The following IFNGR1 variants were observed in gnomAD, a reference collection of about 807,000 sequenced individuals.
IFNGR1 encodes the protein AVP, type 2.
In IFNGR1, 23 loss-of-function variants were observed where a neutral mutation model predicts 35.4. That is an observed-to-expected ratio of 0.65 (90% CI 0.47 to 0.92). The LOEUF (loss-of-function observed/expected upper bound fraction) is 0.92. Among genes scored for constraint, IFNGR1 ranks in the 40% least tolerant of loss-of-function variants. The pLI, the probability that IFNGR1 is intolerant of heterozygous loss-of-function variation, is 0.00. For missense variants in IFNGR1, 533 were observed against 583.4 expected (o/e 0.91, Z 0.89); for synonymous variants, 199 against 209.5 (o/e 0.95, Z 0.43).
At chr6:137,201,139 A>C in intron 5 of IFNGR1, 131 bp from the exon 6 acceptor site, 1 of 933,410 alleles carries the variant, frequency 1.1e-6, no homozygotes, top group South Asian at 1.5e-5. Context: ...AGAACACTGA[A>C]GGAAGCAGAA....
intron 1 of IFNGR1, chr6:137,215,411 A>C: frequency 7.3e-7 from 1 of 1,368,466 alleles, no homozygotes; most frequent in Non-Finnish European, 1.0e-6. Flanking sequence ...AAAATGAATA[A>C]TTTCTTAAAA....
chr6:137,218,139 T>C (rs911502086), intron 1 of IFNGR1, among the ~76,000 whole-genome samples: 3 of 152,172 alleles, frequency 2.0e-5, no homozygotes, highest in African/African-American at 4.8e-5. Flanking sequence ...GGCTATGACC[T>C]CTCTGCCAGT....
chr6:137,217,382 T>C (rs1779727141), intron 1 of IFNGR1, among the ~76,000 whole-genome samples: 1 of 152,236 alleles, frequency 6.6e-6, no homozygotes, highest in Non-Finnish European at 1.5e-5. Flanking sequence ...ATTATTTTGT[T>C]GGCTCAACAC....
At chr6:137,210,824 T>G (rs1779558671) in intron 1 of IFNGR1, among the ~76,000 whole-genome samples, 1 of 152,186 alleles carries the variant, frequency 6.6e-6, no homozygotes, top group Non-Finnish European at 1.5e-5. Flanking sequence ...GAAGGGAAAA[T>G]CTATATTTTC....
Position 137,200,884 on chromosome 6 carries a change from G to C in IFNGR1, c.858C>G (p.Ser286=). The C allele has an allele frequency of 1.3e-6, 2 of 1,578,108 alleles. No homozygotes were observed. Among genetic ancestry groups the C allele is most frequent in the East Asian group, 2.3e-5 (1 of 44,218 alleles). Reference sequence around the variant, plus strand: ...ATAAAAAAATTAAATACATTACCAAGGACTTGGGTAATATTATGCTTTTTT... The same window carrying C: ...ATAAAAAAATTAAATACATTACCAACGACTTGGGTAATATTATGCTTTTTT... ...LKEKSIILPK[S]LISVVRSATL... is the part of the protein sequence containing the mutation. Residue 286 remains serine, a synonymous_variant, in exon 6 of 7, where the codon TCC becomes TCG. Coordinates refer to ENST00000367739, the MANE Select transcript of IFNGR1 (RefSeq NM_000416.3).
intron 1 of IFNGR1, among the ~76,000 whole-genome samples, chr6:137,209,024 C>T (rs1243115733): frequency 6.6e-6 from 1 of 152,208 alleles, no homozygotes; most frequent in Non-Finnish European, 1.5e-5. Context: ...GGATGTGAGA[C>T]CTGGAGTCAA....
At position 137,197,878 on chromosome 6, in the gene IFNGR1, C is replaced by T; in HGVS notation, c.*153G>A. On this transcript the variant is annotated 3_prime_UTR_variant, in exon 7 of 7. Coordinates refer to ENST00000367739, the MANE Select transcript of IFNGR1 (RefSeq NM_000416.3). ...TTACAAGCCAAAAGTGAAAATGCCA[C>T]ACATCCTCTTTACGCTTTCATGTAC... is the stretch of plus-strand genomic sequence containing the variant. 3 of 963,106 alleles carry T rather than the reference C, an allele frequency of 3.1e-6. No homozygotes were observed. The highest frequency in any genetic ancestry group is 3.1e-6 in the Non-Finnish European group (2 of 643,298). The allele number at this position is 963,106 out of a possible 1,614,324, so 59.7% of individuals were successfully genotyped here.
rs1006647846 is a variant in IFNGR1, at chr6:137,198,273, T to C, written c.1228A>G (p.Asn410Asp). 1 of 1,614,004 alleles carries C rather than the reference T, an allele frequency of 6.2e-7. No individual in the cohort carries two copies. The highest frequency in any genetic ancestry group is 1.7e-5 in the Admixed American group (1 of 59,986). The change falls in exon 7 of 7, where the codon AAT (asparagine) becomes GAT (aspartate). Residue 410 changes from asparagine (N) to aspartate (D), a missense_variant. Asn to Asp is a conservative substitution (Grantham distance 23). Transcript: ENST00000367739. ...RNCSESDHSR[N>D]GFDTDSSCLE... ...CAGCTGGAATCAGTATCAAAACCATTTCTGGAGTGATCACTCTCAGAACAA... is the reference window on the plus strand; with the variant it reads ...CAGCTGGAATCAGTATCAAAACCATCTCTGGAGTGATCACTCTCAGAACAA...
chr6:137,206,430 T>C (rs1044633741), intron 2 of IFNGR1, 122 bp from the exon 3 acceptor site: 14 of 710,018 alleles, frequency 2.0e-5, no homozygotes, highest in African/African-American at 1.4e-4. Flanking sequence ...GAGCTAAGAA[T>C]AGGATGGAGA....
rs55665036 is a variant in IFNGR1, at chr6:137,197,960, C to A, written c.*71G>T. On this transcript the variant is annotated 3_prime_UTR_variant, in exon 7 of 7. Coordinates refer to ENST00000367739, the MANE Select transcript of IFNGR1 (RefSeq NM_000416.3). ...AAGATACAATTTCTGAGATCATAAT[C>A]TTTTCATGAAATTAAAGCAGAAAAC... The A allele has an allele frequency of 0.011, 17,740 of 1,600,442 alleles. 118 individuals are homozygous for A. The highest frequency in any genetic ancestry group is 0.012 in the Non-Finnish European group (14,049 of 1,169,312).
At chr6:137,206,877 A>G (rs1303877290) in intron 2 of IFNGR1, 86 bp downstream of exon 2, 1 of 1,016,522 alleles carries the variant, frequency 9.8e-7, no homozygotes, top group African/African-American at 1.6e-5. Context: ...CCACGTGGGA[A>G]GGCTGATGAA....
Position 137,216,852 on chromosome 6 carries a change from C to A in IFNGR1, c.85+2391G>T, listed in dbSNP as rs189367743. ...CTTCTAGGGGAGTCAGGAAAGGCTT[C>A]ACAAAAGTGACCCCAGTTTTAGAAC... On this transcript the variant is annotated intron_variant, in intron 1 of 6. Coordinates refer to ENST00000367739, the MANE Select transcript of IFNGR1 (RefSeq NM_000416.3). 5.7e-4 allele frequency among the ~76,000 whole-genome samples: 87 copies of A among 152,292 alleles called. 1 individual carries two copies. The East Asian group carries it at 0.014, about 24-fold the overall frequency.
chr6:137,197,981 A>G lies in IFNGR1; in HGVS notation c.*50T>C. On this transcript the variant is annotated 3_prime_UTR_variant, in exon 7 of 7. Transcript: ENST00000367739. Reference sequence around the variant, plus strand: ...TAATCTTTTCATGAAATTAAAGCAGAAAACTGTCCAGGAAAATCAGACTTC... The same window carrying G: ...TAATCTTTTCATGAAATTAAAGCAGGAAACTGTCCAGGAAAATCAGACTTC... 6.2e-7 allele frequency: 1 copy of G among 1,612,344 alleles called. No individual in the cohort carries two copies. The highest frequency in any genetic ancestry group is 1.1e-5 in the South Asian group (1 of 90,408).
At chr6:137,218,539 C>A in intron 1 of IFNGR1, 5 of 1,288,820 alleles carry the variant, frequency 3.9e-6, no homozygotes, top group Non-Finnish European at 5.1e-6. Context: ...CTGCCACTTA[C>A]TTCTCAGCTG....
Position 137,206,273 on chromosome 6 carries a change from T to A in IFNGR1, c.236A>T (p.Asn79Ile). 1.2e-6 allele frequency: 2 copies of A among 1,610,086 alleles called. No individual in the cohort carries two copies. Among genetic ancestry groups the A allele is most frequent in the Non-Finnish European group, 1.7e-6 (2 of 1,176,306 alleles). Residue 79 changes from asparagine to isoleucine, a missense_variant, in exon 3 of 7, where the codon AAT becomes ATT. Physicochemically the swap from Asn to Ile is moderately radical, Grantham distance 149 (BLOSUM62 -3). Coordinates refer to ENST00000367739, the MANE Select transcript of IFNGR1 (RefSeq NM_000416.3). ...AATATTACAATAATGATGAGAAATA[T>A]TGATGCAGGCATCAATCCATTCTGA... ...KNSEWIDACI[N>I]ISHHYCNISD... is the part of the protein sequence containing the mutation.
At chr6:137,211,743 A>G (rs1204997792) in intron 1 of IFNGR1, among the ~76,000 whole-genome samples, 2 of 152,138 alleles carry the variant, frequency 1.3e-5, no homozygotes, top group African/African-American at 4.8e-5. Context: ...ACACGTTTGC[A>G]TCTCAACCTC....
intron 1 of IFNGR1, chr6:137,218,628 C>A: frequency 2.0e-6 from 1 of 488,914 alleles, no homozygotes; most frequent in Non-Finnish European, 3.4e-6. Flanking sequence ...GTATTTAAGC[C>A]ACGAACTGAG....
intron 3 of IFNGR1, 50 bp downstream of exon 3, chr6:137,206,086 G>A (rs1779420748): frequency 1.4e-6 from 2 of 1,409,210 alleles, no homozygotes; most frequent in African/African-American, 1.4e-5. Flanking sequence ...CAGAAGACAT[G>A]TATAAATATT....
chr6:137,203,556 C>A lies in IFNGR1; in HGVS notation c.676G>T (p.Val226Phe), dbSNP rs1029475116. 2.5e-6 allele frequency: 4 copies of A among 1,613,166 alleles called. No homozygotes were observed. The highest frequency in any genetic ancestry group is 3.4e-6 in the Non-Finnish European group (4 of 1,179,362). ...ACTTCTTTTGACTTTTCAGTTGTAACACCCCACACATGTAAGACTCCTTCT... is the reference window on the plus strand; with the variant it reads ...ACTTCTTTTGACTTTTCAGTTGTAAAACCCCACACATGTAAGACTCCTTCT... ...SAEGVLHVWGVTTEKSKEVCI... is the reference protein window; with the variant it reads ...SAEGVLHVWGFTTEKSKEVCI... The change falls in exon 5 of 7, where the codon GTT becomes TTT. Residue 226 changes from valine (V) to phenylalanine (F), a missense_variant. Physicochemically the swap from Val to Phe is conservative, Grantham distance 50. Transcript: ENST00000367739.
Sources: allele counts gnomAD v4.1 joint callset (sites outside exome capture counted in the v4.1 genomes callset), GRCh38; gene constraint gnomAD v4.1.1; transcripts MANE v1.5; gene names NCBI Gene and HGNC (gene_info 2026-07-23, HGNC 2026-07-21).